LOC128706666: variants seen among roughly 807,000 people sequenced by gnomAD.
the LOC128706666 span, among the ~76,000 whole-genome samples, chr20:10,431,493 T>A: frequency 3.3e-5 from 5 of 151,796 alleles, no homozygotes; most frequent in Admixed American, 2.0e-4. Flanking sequence ...GGGACAATCT[T>A]AATAAAACAT....
the LOC128706666 span, among the ~76,000 whole-genome samples, chr20:10,432,453 C>T: frequency 1.3e-5 from 2 of 152,110 alleles, no homozygotes; most frequent in Admixed American, 6.5e-5. Context: ...GCATCCAGGA[C>T]CCATGATGGA....
the LOC128706666 span, among the ~76,000 whole-genome samples, chr20:10,422,813 G>A: frequency 1.4e-4 from 21 of 151,412 alleles, no homozygotes; most frequent in South Asian, 3.8e-3. Context: ...CCAGGTTCAC[G>A]CCATTCTCCT....
chr20:10,416,318 T>G, the LOC128706666 span, among the ~76,000 whole-genome samples: 1 of 151,704 alleles, frequency 6.6e-6, no homozygotes, highest in African/African-American at 2.4e-5. Context: ...AAAGAATGAT[T>G]ATAGGTATGA....
At chr20:10,425,982 T>C in the LOC128706666 span, among the ~76,000 whole-genome samples, 1 of 152,246 alleles carries the variant, frequency 6.6e-6, no homozygotes, top group African/African-American at 2.4e-5. Context: ...TAGTTTCATT[T>C]ACTAAAATGT....
the LOC128706666 span, chr20:10,431,976 G>A: frequency 2.6e-5 from 4 of 152,260 alleles, no homozygotes; most frequent in Non-Finnish European, 5.9e-5. Flanking sequence ...CTACCTTTGT[G>A]ATGAATGCTG....
chr20:10,416,988 T>C, the LOC128706666 span, among the ~76,000 whole-genome samples: 3 of 152,084 alleles, frequency 2.0e-5, no homozygotes, highest in Non-Finnish European at 4.4e-5. Flanking sequence ...AGAAAAAAAG[T>C]TTGCCAATTT....
chr20:10,431,851 C>T, the LOC128706666 span: 1 of 152,212 alleles, frequency 6.6e-6, no homozygotes, highest in South Asian at 2.1e-4. Context: ...TATTCTTCTG[C>T]TTCAGCTCTT....
chr20:10,427,433 C>A, the LOC128706666 span, among the ~76,000 whole-genome samples: 1 of 152,146 alleles, frequency 6.6e-6, no homozygotes, highest in African/African-American at 2.4e-5. Context: ...ATATTAAAAA[C>A]CAATTAACCC....
At chr20:10,416,910 A>G in the LOC128706666 span, among the ~76,000 whole-genome samples, 1 of 152,234 alleles carries the variant, frequency 6.6e-6, no homozygotes, top group Non-Finnish European at 1.5e-5. Flanking sequence ...TACAACAGAA[A>G]GCTGAAGGGT....
At chr20:10,426,503 G>C in the LOC128706666 span, among the ~76,000 whole-genome samples, 1 of 152,118 alleles carries the variant, frequency 6.6e-6, no homozygotes, top group Non-Finnish European at 1.5e-5. Context: ...AGATTTAAGG[G>C]ATTCTCGTAC....
At chr20:10,429,484 G>A in the LOC128706666 span, among the ~76,000 whole-genome samples, 1 of 152,120 alleles carries the variant, frequency 6.6e-6, no homozygotes, top group Non-Finnish European at 1.5e-5. Flanking sequence ...AACTGCTACT[G>A]TACACCTTTG....
At chr20:10,432,605 C>G in the LOC128706666 span, among the ~76,000 whole-genome samples, 1 of 151,944 alleles carries the variant, frequency 6.6e-6, no homozygotes, top group Non-Finnish European at 1.5e-5. Context: ...CCAGCCTGGC[C>G]AACATGGCGA....
chr20:10,415,168 G>A, the LOC128706666 span, among the ~76,000 whole-genome samples: 4 of 152,104 alleles, frequency 2.6e-5, no homozygotes, highest in Non-Finnish European at 5.9e-5. Context: ...GAATAAAAAC[G>A]TTAGATCATA....
At chr20:10,423,056 T>C in the LOC128706666 span, among the ~76,000 whole-genome samples, 1 of 152,022 alleles carries the variant, frequency 6.6e-6, no homozygotes, top group South Asian at 2.1e-4. Context: ...CATTCACCAT[T>C]TACTTCTCCA....
chr20:10,416,264 A>G, the LOC128706666 span, among the ~76,000 whole-genome samples: 2 of 152,316 alleles, frequency 1.3e-5, no homozygotes, highest in African/African-American at 2.4e-5. Flanking sequence ...GAAAATACAA[A>G]CAGGTGAAAG....
the LOC128706666 span, among the ~76,000 whole-genome samples, chr20:10,432,162 A>G: frequency 1.3e-5 from 2 of 152,228 alleles, no homozygotes; most frequent in Non-Finnish European, 2.9e-5. Flanking sequence ...CAAGGGGTAT[A>G]AAAGCCTGGC....
chr20:10,432,394 C>T, the LOC128706666 span, among the ~76,000 whole-genome samples: 1 of 152,202 alleles, frequency 6.6e-6, no homozygotes, highest in African/African-American at 2.4e-5. Context: ...AATCTAGAAA[C>T]ATCTTGCTCA....
chr20:10,426,008 GA>G, the LOC128706666 span, among the ~76,000 whole-genome samples: 3 of 152,290 alleles, frequency 2.0e-5, no homozygotes, highest in East Asian at 5.8e-4. Context: ...GTTAAGTTTA[GA>G]AAAAGTTTAG....
the LOC128706666 span, among the ~76,000 whole-genome samples, chr20:10,422,399 T>A: frequency 2.6e-5 from 4 of 152,168 alleles, no homozygotes; most frequent in African/African-American, 9.7e-5. Flanking sequence ...CAATTACAAA[T>A]AACTGTATCA....
Sources: allele counts gnomAD v4.1 joint callset (sites outside exome capture counted in the v4.1 genomes callset), GRCh38; gene constraint gnomAD v4.1.1; transcripts MANE v1.5.